The following BTN3A2 variants were observed in gnomAD, a reference collection of about 807,000 sequenced individuals.
The protein encoded by BTN3A2 is butyrophilin protein.
Under a neutral mutation model 37.6 loss-of-function variants are expected in BTN3A2, and 25 were observed. That is an observed-to-expected ratio of 0.66 (90% CI 0.48 to 0.93). BTN3A2 has a LOEUF of 0.93. Among genes scored for constraint, BTN3A2 ranks in the 40% least tolerant of loss-of-function variants. BTN3A2 has a pLI of 0.00. For missense variants in BTN3A2, 266 were observed against 410.9 expected (o/e 0.65, Z 3.05); for synonymous variants, 122 against 159.4 (o/e 0.77, Z 1.77).
At chr6:26,372,803 C>T (rs1157093299) in intron 5 of BTN3A2, 94 bp from the exon 6 acceptor site, 8 of 1,469,282 alleles carry the variant, frequency 5.4e-6, no homozygotes, top group African/African-American at 1.4e-5. Flanking sequence ...ATTCCCCACC[C>T]CCGACCTGAG....
chr6:26,372,720 G>T, intron 5 of BTN3A2, 177 bp from the exon 6 acceptor site: 1 of 686,918 alleles, frequency 1.5e-6, no homozygotes, highest in East Asian at 2.8e-5. Flanking sequence ...CTTGTAGTGA[G>T]GGTTTACCAA....
chr6:26,372,767 A>G, intron 5 of BTN3A2, 130 bp from the exon 6 acceptor site: 2 of 1,077,148 alleles, frequency 1.9e-6, no homozygotes, highest in Non-Finnish European at 2.6e-6. Context: ...TTAGGGAGAG[A>G]ATCCTTATTT....
intron 4 of BTN3A2, among the ~76,000 whole-genome samples, chr6:26,369,510 C>G (rs1759888020): frequency 6.6e-6 from 1 of 152,080 alleles, no homozygotes; most frequent in African/African-American, 2.4e-5. Context: ...TAGACTTAGC[C>G]CTCTGCTCTG....
intron 4 of BTN3A2, among the ~76,000 whole-genome samples, chr6:26,369,638 C>T (rs1204481108): frequency 6.6e-6 from 1 of 152,162 alleles, no homozygotes; most frequent in Non-Finnish European, 1.5e-5. Flanking sequence ...GAAGGGGCAG[C>T]AATCCCTCAT....
rs201645186 is a variant in BTN3A2, at chr6:26,376,467, G to A, written c.*705G>A. The A allele has an allele frequency of 6.0e-6, 6 of 1,007,050 alleles. No homozygotes were observed. The highest frequency in any genetic ancestry group is 3.6e-4 in the Middle Eastern group (1 of 2,742). 62.4% of individuals were successfully genotyped at this position (1,007,050 alleles called of 1,614,324 possible). On this transcript the variant is annotated 3_prime_UTR_variant, in exon 11 of 11. Coordinates refer to ENST00000377708, the MANE Select transcript of BTN3A2 (RefSeq NM_007047.5). ...ACATTCAGGGCAGGCTAGGGACACG[G>A]GGTTCTGGAAGGACCTCCTCAGCAT...
intron 10 of BTN3A2, chr6:26,375,412 T>G: frequency 6.8e-6 from 3 of 442,504 alleles, no homozygotes; most frequent in Non-Finnish European, 1.2e-5. Context: ...CTGAGAAGAG[T>G]CCTCGGGCCT....
chr6:26,373,792 A>G (rs1760396808), intron 8 of BTN3A2: 1 of 204,538 alleles, frequency 4.9e-6, no homozygotes, highest in South Asian at 1.8e-4. Context: ...ACAAGAATGG[A>G]AGATTTAAGA....
chr6:26,371,643 A>T (rs1244015153), intron 5 of BTN3A2, among the ~76,000 whole-genome samples: 1 of 152,026 alleles, frequency 6.6e-6, no homozygotes, highest in Non-Finnish European at 1.5e-5. Context: ...TTTGTATGAG[A>T]TGATCCATGT....
rs776629062 is a variant in BTN3A2, at chr6:26,370,548, C to T, written c.660C>T (p.Cys220=). Residue 220 remains cysteine (C), a synonymous_variant, in exon 5 of 11, where the codon TGC becomes TGT. Transcript: ENST00000377708. ...MRGGSGEGVS[C]IIRNSLLGLE... is the part of the protein sequence containing the mutation. ...GCGGCTCCGGGGAGGGTGTATCCTG[C>T]ATCATCAGAAATTCCCTCCTCGGCC... 5 of 1,614,096 alleles carry T rather than the reference C, an allele frequency of 3.1e-6. No individual in the cohort carries two copies. In the African/African-American group the frequency reaches 4.0e-5, roughly 13 times the overall value.
Position 26,378,126 on chromosome 6 carries a change from C to G in BTN3A2, c.*2364C>G, listed in dbSNP as rs1760811642. On this transcript the variant is annotated 3_prime_UTR_variant, in exon 11 of 11. Coordinates refer to ENST00000377708, the MANE Select transcript of BTN3A2 (RefSeq NM_007047.5). ...TTTTTAATCCCACTATGGACTCAGT[C>G]TCCTGGAAAAGGATCTGTCCACTCC... is the stretch of plus-strand genomic sequence containing the variant. 2 of 152,200 alleles carry G rather than the reference C, an allele frequency of 1.3e-5. No individual in the cohort carries two copies. The highest frequency in any genetic ancestry group is 4.1e-4 in the South Asian group (2 of 4,828). The allele number at this position is 152,200 out of a possible 1,614,324, so 9.4% of individuals were successfully genotyped here.
intron 9 of BTN3A2, 90 bp from the exon 10 acceptor site, chr6:26,374,681 A>G (rs576426126): frequency 7.4e-7 from 1 of 1,353,762 alleles, no homozygotes; most frequent in East Asian, 2.3e-5. Context: ...CTCTAAAGAA[A>G]AGGAGAGAAA....
intron 9 of BTN3A2, 119 bp downstream of exon 9, chr6:26,374,492 G>C (rs1016851052): frequency 2.7e-6 from 3 of 1,131,514 alleles, no homozygotes; most frequent in Non-Finnish European, 3.9e-6. Context: ...TGTGGTGGGG[G>C]TTCACCTCCG....
chr6:26,369,576 C>A (rs1341681493), intron 4 of BTN3A2, among the ~76,000 whole-genome samples: 5 of 152,082 alleles, frequency 3.3e-5, no homozygotes, highest in Non-Finnish European at 5.9e-5. Context: ...GAGCCTTAAT[C>A]AATCTTATGT....
intron 9 of BTN3A2, 138 bp downstream of exon 9, chr6:26,374,511 G>T (rs1760509170): frequency 5.0e-6 from 5 of 993,644 alleles, no homozygotes; most frequent in Non-Finnish European, 7.6e-6. Flanking sequence ...CGCTTTTCTG[G>T]AGCCTCTGAG....
intron 1 of BTN3A2, among the ~76,000 whole-genome samples, chr6:26,366,458 A>G (rs1288160622): frequency 6.6e-6 from 1 of 152,236 alleles, no homozygotes; most frequent in East Asian, 1.9e-4. Flanking sequence ...AGAGTATTTA[A>G]GGTTTTATTC....
Position 26,373,432 on chromosome 6 carries a change from T to G in BTN3A2, c.964+19T>G. 1.3e-6 allele frequency: 2 copies of G among 1,599,174 alleles called. No individual in the cohort carries two copies. The highest frequency in any genetic ancestry group is 1.7e-6 in the Non-Finnish European group (2 of 1,175,738). ...TTGACTCGTGAGTGGCTTTGACATT[T>G]TCTCTGAATTCAAATCTGTTACTCT... is the stretch of plus-strand genomic sequence containing the variant. On this transcript the variant is annotated intron_variant, in intron 8 of 10. Coordinates refer to ENST00000377708, the MANE Select transcript of BTN3A2 (RefSeq NM_007047.5).
intron 3 of BTN3A2, 61 bp from the exon 4 acceptor site, chr6:26,368,504 C>T (rs1184754226): frequency 6.2e-7 from 1 of 1,613,436 alleles, no homozygotes; most frequent in Non-Finnish European, 8.5e-7. Context: ...TGAGAAGGAC[C>T]CTTCCTCTCA....
Position 26,375,930 on chromosome 6 carries a change from A to G in BTN3A2, c.*168A>G, listed in dbSNP as rs1760674331. On this transcript the variant is annotated 3_prime_UTR_variant, in exon 11 of 11. Transcript: ENST00000377708. ...GATTGAAAATTAACCTCTGAGGGCC[A>G]GCACAGCAGCTCATGCCTGTAATCC... 7.0e-7 allele frequency: 1 copy of G among 1,418,576 alleles called. No individual in the cohort carries two copies. The highest frequency in any genetic ancestry group is 9.7e-7 in the Non-Finnish European group (1 of 1,033,812). 87.9% of individuals were successfully genotyped at this position (1,418,576 alleles called of 1,614,324 possible).
In BTN3A2 at chr6:26,376,859, C is replaced by T. The variant is rs748350204; in HGVS notation, c.*1097C>T. ...CGGAGAACGGATACTGGACTATGGG[C>T]CTGACTGATGGGAATAAGTATCGGG... On this transcript the variant is annotated 3_prime_UTR_variant, in exon 11 of 11. Transcript: ENST00000377708. The T allele has an allele frequency of 5.3e-5, 86 of 1,613,930 alleles. No individual in the cohort carries two copies. The Admixed American group carries it at 7.3e-4, about 14-fold the overall frequency.
Sources: allele counts gnomAD v4.1 joint callset (sites outside exome capture counted in the v4.1 genomes callset), GRCh38; gene constraint gnomAD v4.1.1; transcripts MANE v1.5; gene names NCBI Gene and HGNC (gene_info 2026-07-23, HGNC 2026-07-21).